Variants in STAP1 observed in about 807,000 individuals in gnomAD.
The protein encoded by STAP1 is signal-transducing adaptor protein 1.
Under a neutral mutation model 37.8 loss-of-function variants are expected in STAP1, and 30 were observed. The ratio of observed to expected loss-of-function variants is 0.79; its 90% CI spans 0.59 to 1.08. STAP1 has a LOEUF of 1.08. STAP1 is among the 50% of genes least tolerant of loss of function. STAP1 has a pLI of 0.00. For synonymous variants in STAP1, 130 were observed against 116.0 expected (o/e 1.12, Z -0.78); for missense variants, 357 against 349.4 (o/e 1.02, Z -0.17).
intron 8 of STAP1, among the ~76,000 whole-genome samples, chr4:67,599,771 A>G (rs1728301963): frequency 6.6e-6 from 1 of 151,598 alleles, no homozygotes; most frequent in African/African-American, 2.4e-5. Flanking sequence ...CCTCCCAAGT[A>G]CCTGGGATTA....
chr4:67,571,338 G>A (rs1326338623), intron 2 of STAP1, among the ~76,000 whole-genome samples, 183 bp downstream of exon 2: 2 of 152,008 alleles, frequency 1.3e-5, no homozygotes, highest in Non-Finnish European at 2.9e-5. Flanking sequence ...AATTTTCCTG[G>A]GCAATTCCGA....
At chr4:67,586,482 A>G (rs770985661) in intron 6 of STAP1, among the ~76,000 whole-genome samples, 12 of 152,136 alleles carry the variant, frequency 7.9e-5, no homozygotes, top group Non-Finnish European at 1.3e-4. Flanking sequence ...AAACAAAAAA[A>G]CTGCATATTT....
At chr4:67,573,254 T>G (rs1324102049) in intron 2 of STAP1, among the ~76,000 whole-genome samples, 3 of 152,162 alleles carry the variant, frequency 2.0e-5, no homozygotes, top group Non-Finnish European at 4.4e-5. Context: ...AAAAACTTGC[T>G]AGTAGGCAGA....
chr4:67,575,243 T>A (rs779806182), intron 2 of STAP1, 142 bp from the exon 3 acceptor site: 5 of 555,708 alleles, frequency 9.0e-6, no homozygotes, highest in Non-Finnish European at 1.2e-5. Context: ...CATTTCCACA[T>A]GTCCTCTGGG....
intron 8 of STAP1, among the ~76,000 whole-genome samples, chr4:67,598,116 G>A (rs1165708564): frequency 1.3e-5 from 2 of 152,116 alleles, no homozygotes; most frequent in Non-Finnish European, 2.9e-5. Context: ...TGGATCATGG[G>A]GGCAGTTTCT....
At chr4:67,569,761 G>C (rs112219088) in intron 1 of STAP1, among the ~76,000 whole-genome samples, 3,009 of 151,906 alleles carry the variant, frequency 0.02, 104 homozygotes, top group African/African-American at 0.068. Flanking sequence ...ATGGAATCTC[G>C]CTCTGTCGCC....
intron 2 of STAP1, among the ~76,000 whole-genome samples, chr4:67,571,580 A>G (rs1727607606): frequency 6.6e-6 from 1 of 152,228 alleles, no homozygotes; most frequent in Non-Finnish European, 1.5e-5. Context: ...TTTTTCTGAA[A>G]AGACAAAAAC....
At chr4:67,603,954 A>G (rs1728397728) in intron 8 of STAP1, among the ~76,000 whole-genome samples, 1 of 152,112 alleles carries the variant, frequency 6.6e-6, no homozygotes, top group Admixed American at 6.6e-5. Flanking sequence ...CAGGACCCTC[A>G]GTGTTTGTGG....
intron 6 of STAP1, among the ~76,000 whole-genome samples, chr4:67,585,549 A>G (rs1047921127): frequency 2.0e-5 from 3 of 152,234 alleles, no homozygotes; most frequent in African/African-American, 7.2e-5. Context: ...GTGTGTGTGT[A>G]TATATCTCTG....
intron 8 of STAP1, among the ~76,000 whole-genome samples, chr4:67,596,549 C>G (rs1202121718): frequency 6.6e-6 from 1 of 152,120 alleles, no homozygotes; most frequent in East Asian, 1.9e-4. Context: ...TTTCTAGAGA[C>G]TTATTGAATA....
At chr4:67,579,810 GA>G (rs1727809452) in intron 4 of STAP1, among the ~76,000 whole-genome samples, 1 of 152,142 alleles carries the variant, frequency 6.6e-6, no homozygotes, top group South Asian at 2.1e-4. Flanking sequence ...AATTTAACAT[GA>G]GCTTTGGTGG....
intron 8 of STAP1, among the ~76,000 whole-genome samples, chr4:67,594,328 AAT>A (rs1417698150): frequency 2.0e-5 from 3 of 152,322 alleles, no homozygotes; most frequent in African/African-American, 7.2e-5. Flanking sequence ...TGTGATGCTA[AAT>A]AATAAGAGTA....
At chr4:67,577,146 C>T (rs1454073907) in intron 3 of STAP1, 57 bp from the exon 4 acceptor site, 5 of 1,470,108 alleles carry the variant, frequency 3.4e-6, no homozygotes, top group East Asian at 4.6e-5. Flanking sequence ...TTATTTTATG[C>T]TCAATCACTC....
chr4:67,593,156 A>C (rs1728156259), intron 7 of STAP1, 104 bp from the exon 8 acceptor site: 1 of 738,848 alleles, frequency 1.4e-6, no homozygotes, highest in African/African-American at 1.8e-5. Context: ...AAGCCATTGA[A>C]GTGAAGTAAT....
At chr4:67,597,399 A>G (rs1428682093) in intron 8 of STAP1, among the ~76,000 whole-genome samples, 4 of 152,226 alleles carry the variant, frequency 2.6e-5, no homozygotes, top group African/African-American at 9.6e-5. Context: ...AACCTCGACT[A>G]GGGCAATGCA....
intron 8 of STAP1, among the ~76,000 whole-genome samples, chr4:67,599,709 T>C (rs1220732917): frequency 6.6e-6 from 1 of 151,926 alleles, no homozygotes; most frequent in Non-Finnish European, 1.5e-5. Flanking sequence ...TGGCACAATC[T>C]CAGCTCACTG....
In STAP1 at chr4:67,594,799, G is replaced by A. The variant is rs115544267; in HGVS notation, c.826+1443G>A. The stretch of plus-strand genomic sequence containing the variant: ...AAATATAACCCTACTGAATAATAAT[G>A]TTGAGCATCTTTTTATATGTTATTT... On this transcript the variant is annotated intron_variant, in intron 8 of 8. Transcript: ENST00000265404. Among the ~76,000 whole-genome samples the A allele has an allele frequency of 6.7e-3, 1,024 of 152,028 alleles. 10 individuals are homozygous for A. The highest frequency in any genetic ancestry group is 0.023 in the African/African-American group (963 of 41,454).
chr4:67,588,354 G>GACA (rs1388698743), intron 6 of STAP1, among the ~76,000 whole-genome samples: 1 of 56,354 alleles, frequency 1.8e-5, no homozygotes, highest in Non-Finnish European at 6.0e-5. Context: ...CGACGACGAC[G>GACA]ATGATGATGA....
intron 7 of STAP1, among the ~76,000 whole-genome samples, chr4:67,592,386 A>G (rs1469495693): frequency 6.6e-6 from 1 of 152,144 alleles, no homozygotes; most frequent in Non-Finnish European, 1.5e-5. Context: ...GACACATTTT[A>G]TCTACTCCTA....
Sources: gnomAD v4.1 joint callset for allele counts (sites outside exome capture counted in the v4.1 genomes callset) on GRCh38, gnomAD v4.1.1 for gene constraint, MANE v1.5 for transcripts, NCBI Gene and HGNC (gene_info 2026-07-23, HGNC 2026-07-21) for gene names.